FGF20: variants seen among roughly 807,000 people sequenced by gnomAD.
The protein encoded by FGF20 is fibroblast growth factor 20.
FGF20 carries 8 observed loss-of-function variants against 16.7 expected under a neutral mutation model. The ratio of observed to expected loss-of-function variants is 0.48; its 90% CI spans 0.28 to 0.87. The LOEUF is 0.87. Ranked by LOEUF, FGF20 falls within the 40% of genes least tolerant of loss-of-function variation. The pLI is 0.10. For missense variants in FGF20, 397 were observed against 281.4 expected, an observed-to-expected ratio of 1.41 and a Z score of -2.94; for synonymous variants, 161 against 118.6, an observed-to-expected ratio of 1.36 and a Z score of -2.32.
At chr8:16,998,011 G>A (rs1233901128) in intron 1 of FGF20, among the ~76,000 whole-genome samples, 2 of 152,138 alleles carry the variant, frequency 1.3e-5, no homozygotes, top group African/African-American at 4.8e-5. Context: ...AACAGGAACT[G>A]ATTAAGTGAT....
At chr8:16,997,500 A>C (rs1311330526) in intron 1 of FGF20, among the ~76,000 whole-genome samples, 1 of 152,208 alleles carries the variant, frequency 6.6e-6, no homozygotes. Context: ...GCTCTATTCT[A>C]TCCAAAGCCT....
Position 16,993,094 on chromosome 8 carries a change from T to C in FGF20, c.614A>G (p.Lys205Arg). Residue 205 changes from lysine (K) to arginine (R), a missense_variant, in exon 3 of 3, where the codon AAG (lysine) becomes AGG (arginine). Coordinates refer to ENST00000180166, the MANE Select transcript of FGF20 (RefSeq NM_019851.3). ...VDPERVPELY[K>R]DLLMYT Reference sequence around the variant, plus strand: ...ACTTCAAGTGTACATCAGTAGGTCCTTGTACAATTCTGGAACTCTTTCTGG... The same window carrying C: ...ACTTCAAGTGTACATCAGTAGGTCCCTGTACAATTCTGGAACTCTTTCTGG... 8 of 1,614,114 alleles carry C rather than the reference T, an allele frequency of 5.0e-6. No homozygotes were observed. The highest frequency in any genetic ancestry group is 6.8e-6 in the Non-Finnish European group (8 of 1,179,974).
chr8:16,996,503 G>A (rs1290887943), intron 1 of FGF20, among the ~76,000 whole-genome samples: 2 of 152,096 alleles, frequency 1.3e-5, no homozygotes, highest in South Asian at 2.1e-4. Flanking sequence ...TTCAACAAAC[G>A]GAAGCTATTA....
At chr8:16,994,218 C>G (rs1473169414) in intron 2 of FGF20, among the ~76,000 whole-genome samples, 1 of 152,198 alleles carries the variant, frequency 6.6e-6, no homozygotes, top group African/African-American at 2.4e-5. Context: ...TTCTACCTAT[C>G]AAGTCTCTAC....
intron 2 of FGF20, among the ~76,000 whole-genome samples, chr8:16,994,376 A>G (rs1809995151): frequency 6.6e-6 from 1 of 152,366 alleles, no homozygotes; most frequent in African/African-American, 2.4e-5. Flanking sequence ...TTTTACGATT[A>G]AGATTTATTG....
intron 1 of FGF20, among the ~76,000 whole-genome samples, chr8:17,000,096 T>G (rs1810148316): frequency 1.3e-5 from 2 of 152,074 alleles, no homozygotes; most frequent in Non-Finnish European, 2.9e-5. Context: ...GCACAGTGGC[T>G]CATGCCTGTA....
chr8:16,995,427 G>C (rs1191331796), intron 2 of FGF20, among the ~76,000 whole-genome samples: 1 of 152,142 alleles, frequency 6.6e-6, no homozygotes, highest in Non-Finnish European at 1.5e-5. Flanking sequence ...TAATGTATAG[G>C]AAGAACTAAT....
chr8:17,002,309 C>T lies in FGF20; in HGVS notation c.-277G>A. The T allele has an allele frequency of 5.4e-6, 2 of 372,548 alleles. No homozygotes were observed. Among genetic ancestry groups the T allele is most frequent in the Non-Finnish European group, 9.4e-6 (2 of 212,120 alleles). 23.1% of individuals were successfully genotyped at this position (372,548 alleles called of 1,614,324 possible). ...CCAATACTAGGACTAGGGCTGTTGG[C>T]TGGGGCTCCAATTCCGCAAACTGAT... On this transcript the variant is annotated 5_prime_UTR_variant, in exon 1 of 3. Coordinates refer to ENST00000180166, the MANE Select transcript of FGF20 (RefSeq NM_019851.3).
In FGF20 at chr8:17,002,136, T is replaced by A; in HGVS notation, c.-104A>T. The A allele has an allele frequency of 8.0e-7, 1 of 1,255,494 alleles. No individual in the cohort carries two copies. The highest frequency in any genetic ancestry group is 1.0e-6 in the Non-Finnish European group (1 of 959,614). The allele number at this position is 1,255,494 out of a possible 1,614,324, so 77.8% of individuals were successfully genotyped here. A position where few individuals can be genotyped will look rare whatever the true frequency, so the allele number is the denominator to read the frequency against. On this transcript the variant is annotated 5_prime_UTR_variant, in exon 1 of 3. Coordinates refer to ENST00000180166, the MANE Select transcript of FGF20 (RefSeq NM_019851.3). ...ATTATAGCAAAACGAGCGCAAAAAG[T>A]TAAGGCCCGGTTACTCCTCTGAGGT... is the stretch of plus-strand genomic sequence containing the variant.
At chr8:16,994,701 A>T (rs943927640) in intron 2 of FGF20, among the ~76,000 whole-genome samples, 79 of 152,324 alleles carry the variant, frequency 5.2e-4, no homozygotes, top group Non-Finnish European at 4.9e-4. Flanking sequence ...TTAAGAAAAA[A>T]AAGTTACCAG....
chr8:16,993,753 C>G (rs764158631), intron 2 of FGF20, among the ~76,000 whole-genome samples: 1 of 152,134 alleles, frequency 6.6e-6, no homozygotes, highest in Non-Finnish European at 1.5e-5. Context: ...ACTGTCCCAT[C>G]TGGGGGTGAA....
At chr8:16,998,817 G>A (rs1810117371) in intron 1 of FGF20, among the ~76,000 whole-genome samples, 1 of 150,718 alleles carries the variant, frequency 6.6e-6, no homozygotes, top group Non-Finnish European at 1.5e-5. Flanking sequence ...TTCCTGCTGT[G>A]TACTACTGTG....
At position 17,002,076 on chromosome 8, in the gene FGF20, T is replaced by G; in HGVS notation, c.-44A>C. ...CACAAAAGACCCCCCCAGTAAAGAG[T>G]GTTGTGGGGGTGGGATGGAGGTGGA... is the stretch of plus-strand genomic sequence containing the variant. On this transcript the variant is annotated 5_prime_UTR_variant, in exon 1 of 3. Transcript: ENST00000180166. 1 of 1,483,588 alleles carries G rather than the reference T, an allele frequency of 6.7e-7. No individual in the cohort carries two copies. The highest frequency in any genetic ancestry group is 1.3e-5 in the South Asian group (1 of 75,758). 91.9% of individuals were successfully genotyped at this position (1,483,588 alleles called of 1,614,324 possible).
chr8:16,993,188 T>A lies in FGF20; in HGVS notation c.520A>T (p.Thr174Ser). The change falls in exon 3 of 3, where the codon ACT becomes TCT. Residue 174 changes from threonine (T) to serine (S), a missense_variant. By Grantham distance (58) the Thr-to-Ser change is moderately conservative. Coordinates refer to ENST00000180166, the MANE Select transcript of FGF20 (RefSeq NM_019851.3). ...TTGGACCTGGCGCCATCTCTTGGAGTTCCGTCTTTGTTAAGTGCCACAAAA... is the reference window on the plus strand; with the variant it reads ...TTGGACCTGGCGCCATCTCTTGGAGATCCGTCTTTGTTAAGTGCCACAAAA... ...RYFVALNKDGTPRDGARSKRH... is the reference protein window; with the variant it reads ...RYFVALNKDGSPRDGARSKRH... 1 of 1,614,010 alleles carries A rather than the reference T, an allele frequency of 6.2e-7. No homozygotes were observed. Among genetic ancestry groups the A allele is most frequent in the South Asian group, 1.1e-5 (1 of 91,074 alleles).
At chr8:16,994,831 C>G (rs1344189975) in intron 2 of FGF20, among the ~76,000 whole-genome samples, 1 of 152,126 alleles carries the variant, frequency 6.6e-6, no homozygotes, top group African/African-American at 2.4e-5. Flanking sequence ...ACATTTTTAT[C>G]TTACCAATTC....
At chr8:16,997,103 C>A (rs1271732648) in intron 1 of FGF20, among the ~76,000 whole-genome samples, 2 of 152,188 alleles carry the variant, frequency 1.3e-5, no homozygotes, top group Non-Finnish European at 2.9e-5. Flanking sequence ...TTCCATTTAT[C>A]AGTAAACTGG....
In FGF20 at chr8:16,992,293, T is replaced by TA. The variant is rs1198457112; in HGVS notation, c.*778dup. ...TACATTTAGAAGGCAATTGACTGCA[T>TA]AAAAAATATAATCTATACTATATTT... On this transcript the variant is annotated 3_prime_UTR_variant, in exon 3 of 3. Coordinates refer to ENST00000180166, the MANE Select transcript of FGF20 (RefSeq NM_019851.3). The TA allele has an allele frequency of 6.6e-6, 1 of 152,054 alleles. No individual in the cohort carries two copies. Among genetic ancestry groups the TA allele is most frequent in the Non-Finnish European group, 1.5e-5 (1 of 68,000 alleles). The allele number at this position is 152,054 out of a possible 1,614,324, so 9.4% of individuals were successfully genotyped here. A position where few individuals can be genotyped will look rare whatever the true frequency, so the allele number is the denominator to read the frequency against.
At chr8:16,999,264 A>G (rs1000084734) in intron 1 of FGF20, among the ~76,000 whole-genome samples, 3 of 152,204 alleles carry the variant, frequency 2.0e-5, no homozygotes, top group Admixed American at 2.0e-4. Context: ...CACAAATTCA[A>G]TCTGTCAATT....
At chr8:16,994,296 T>C (rs1259663887) in intron 2 of FGF20, among the ~76,000 whole-genome samples, 1 of 152,160 alleles carries the variant, frequency 6.6e-6, no homozygotes, top group African/African-American at 2.4e-5. Context: ...TCACTCCAAA[T>C]CATATATCTT....
Sources: gnomAD v4.1 joint callset for allele counts (sites outside exome capture counted in the v4.1 genomes callset) on GRCh38, gnomAD v4.1.1 for gene constraint, MANE v1.5 for transcripts, NCBI Gene and HGNC (gene_info 2026-07-23, HGNC 2026-07-21) for gene names.